PCLO: variants seen among roughly 807,000 people sequenced by gnomAD.
PCLO encodes the protein protein piccolo.
In PCLO, 82 loss-of-function variants were observed where a neutral mutation model predicts 427.5. The observed-to-expected ratio is 0.19, with a 90% confidence interval of 0.16 to 0.23. The LOEUF is 0.23. Among genes scored for constraint, PCLO ranks in the 10% least tolerant of loss-of-function variants. The pLI is 1.00. For synonymous variants in PCLO, 2,357 were observed against 2,155.4 expected, an observed-to-expected ratio of 1.09 and a Z score of -2.59; for missense variants, 6,239 against 6,115.9, an observed-to-expected ratio of 1.02 and a Z score of -0.67.
chr7:82,818,445 G>C (rs1433302671), intron 20 of PCLO, among the ~76,000 whole-genome samples: 1 of 152,130 alleles, frequency 6.6e-6, no homozygotes, highest in Non-Finnish European at 1.5e-5. Flanking sequence ...ACAGTGGGAA[G>C]GCTTCCTTTT....
At chr7:83,161,700 T>C (rs765950789) in intron 1 of PCLO, among the ~76,000 whole-genome samples, 1 of 152,204 alleles carries the variant, frequency 6.6e-6, no homozygotes, top group Non-Finnish European at 1.5e-5. Flanking sequence ...GGCTTAAAAA[T>C]AGCATATGCT....
chr7:82,936,170 C>T (rs1253439087), intron 6 of PCLO, among the ~76,000 whole-genome samples: 1 of 151,568 alleles, frequency 6.6e-6, no homozygotes, highest in Non-Finnish European at 1.5e-5. Flanking sequence ...TATGTTAGGC[C>T]AGAAAACAAG....
chr7:83,161,869 A>G (rs1792445888), intron 1 of PCLO, among the ~76,000 whole-genome samples: 2 of 152,188 alleles, frequency 1.3e-5, no homozygotes, highest in South Asian at 4.1e-4. Context: ...GGGTGGCAAG[A>G]GAGGACAAAT....
intron 9 of PCLO, among the ~76,000 whole-genome samples, chr7:82,885,444 C>G (rs998596210): frequency 6.6e-6 from 1 of 152,026 alleles, no homozygotes; most frequent in Admixed American, 6.6e-5. Flanking sequence ...ATCAGGGAAC[C>G]CAGTTAAGCC....
chr7:82,984,283 T>G (rs1796209442), intron 3 of PCLO, among the ~76,000 whole-genome samples: 1 of 150,660 alleles, frequency 6.6e-6, no homozygotes, highest in Admixed American at 6.6e-5. Context: ...ACATATTTGT[T>G]TTAATTATTC....
intron 3 of PCLO, among the ~76,000 whole-genome samples, chr7:83,077,711 A>G (rs927388070): frequency 6.6e-6 from 1 of 152,116 alleles, no homozygotes; most frequent in Non-Finnish European, 1.5e-5. Flanking sequence ...TTCTGACTTG[A>G]GTAGTTTCCA....
chr7:83,120,737 CA>C (rs1562973564), intron 3 of PCLO, among the ~76,000 whole-genome samples: 2 of 151,902 alleles, frequency 1.3e-5, no homozygotes, highest in Non-Finnish European at 2.9e-5. Flanking sequence ...TTATATCCAG[CA>C]AAAATGACCT....
chr7:82,846,470 TTA>T (rs35972711), intron 12 of PCLO, 95 bp downstream of exon 12: 327,708 of 748,360 alleles, frequency 0.44, 74,924 homozygotes, highest in East Asian at 0.65. Flanking sequence ...ATATCTGTGT[TTA>T]TGTCTACATC....
chr7:83,162,359 C>T lies in PCLO; in HGVS notation c.234G>A (p.Ser78=). Reference sequence around the variant, plus strand: ...GCTGTGCATGCCTGTGCATGGAAGGCGACTCCGCAGCGGCCGGGGGGACGC... The same window carrying T: ...GCTGTGCATGCCTGTGCATGGAAGGTGACTCCGCAGCGGCCGGGGGGACGC... The part of the protein sequence containing the change: ...KGSVPPAAAE[S]PSMHRKQELD... The change falls in exon 1 of 25, where the codon TCG becomes TCA. Residue 78 remains serine, a synonymous_variant. Transcript: ENST00000333891. 4 of 1,599,818 alleles carry T rather than the reference C, an allele frequency of 2.5e-6. No individual in the cohort carries two copies. The highest frequency in any genetic ancestry group is 8.5e-7 in the Non-Finnish European group (1 of 1,173,366).
intron 3 of PCLO, among the ~76,000 whole-genome samples, chr7:82,998,087 C>A (rs942922718): frequency 1.3e-5 from 2 of 151,942 alleles, no homozygotes; most frequent in Non-Finnish European, 2.9e-5. Context: ...GCACAACTTA[C>A]CAGTGCAGAA....
In PCLO at chr7:82,757,028, G is replaced by A. The variant is rs1312504477; in HGVS notation, c.*1547C>T. 1.3e-5 allele frequency: 2 copies of A among 152,030 alleles called. No individual in the cohort carries two copies. The highest frequency in any genetic ancestry group is 2.9e-5 in the Non-Finnish European group (2 of 67,974). The allele number at this position is 152,030 out of a possible 1,614,324, so 9.4% of individuals were successfully genotyped here. A position where few individuals can be genotyped will look rare whatever the true frequency, so the allele number is the denominator to read the frequency against. ...TGTGTATAAAACTATATTTGGAAATGTGCTTTCATCTTTCATGGATCATTG... is the reference window on the plus strand; with the variant it reads ...TGTGTATAAAACTATATTTGGAAATATGCTTTCATCTTTCATGGATCATTG... On this transcript the variant is annotated 3_prime_UTR_variant, in exon 25 of 25. Transcript: ENST00000333891.
intron 3 of PCLO, among the ~76,000 whole-genome samples, chr7:83,053,765 G>C (rs887683991): frequency 1.3e-5 from 2 of 151,560 alleles, no homozygotes; most frequent in Non-Finnish European, 3.0e-5. Context: ...TTACTTCCTA[G>C]GCTGCAATAA....
At chr7:83,105,577 T>C (rs1430422540) in intron 3 of PCLO, among the ~76,000 whole-genome samples, 1 of 152,220 alleles carries the variant, frequency 6.6e-6, no homozygotes, top group Non-Finnish European at 1.5e-5. Flanking sequence ...CAATGAACCC[T>C]GGAAAGTTAC....
rs147049546 is a variant in PCLO, at chr7:82,793,380, T to C, written c.15007+8138A>G. The stretch of plus-strand genomic sequence containing the variant: ...GCTCTGGTTTTGAGTCCCAGCCAAG[T>C]TGATGGACACTCTGCCGCAGTTGCA... On this transcript the variant is annotated intron_variant, in intron 22 of 24. Transcript: ENST00000333891. Among the ~76,000 whole-genome samples, 1,150 of 152,228 alleles carry C rather than the reference T, an allele frequency of 7.6e-3. 6 individuals are homozygous for C. Among genetic ancestry groups the C allele is most frequent in the Non-Finnish European group, 0.01 (713 of 68,012 alleles).
intron 3 of PCLO, among the ~76,000 whole-genome samples, chr7:83,114,721 G>A (rs1312498399): frequency 1.3e-5 from 2 of 151,934 alleles, no homozygotes; most frequent in African/African-American, 4.8e-5. Flanking sequence ...AGATTGCATT[G>A]GGCCCATTAG....
chr7:82,819,640 T>A (rs965731669), intron 20 of PCLO, among the ~76,000 whole-genome samples: 10 of 152,168 alleles, frequency 6.6e-5, no homozygotes, highest in Non-Finnish European at 1.2e-4. Flanking sequence ...GTAACACATA[T>A]TCAGAATTAT....
At chr7:83,025,983 C>A (rs1476249521) in intron 3 of PCLO, among the ~76,000 whole-genome samples, 2 of 151,938 alleles carry the variant, frequency 1.3e-5, no homozygotes, top group Non-Finnish European at 2.9e-5. Flanking sequence ...ACAACCGGTA[C>A]CAGCCGCGGC....
chr7:82,818,011 A>G (rs1273858004), intron 20 of PCLO, among the ~76,000 whole-genome samples: 1 of 152,180 alleles, frequency 6.6e-6, no homozygotes, highest in Non-Finnish European at 1.5e-5. Context: ...GTCTTGATAT[A>G]GTTTTCAAAC....
intron 7 of PCLO, among the ~76,000 whole-genome samples, chr7:82,909,978 C>T (rs1794283612): frequency 6.6e-6 from 1 of 152,010 alleles, no homozygotes; most frequent in Non-Finnish European, 1.5e-5. Flanking sequence ...TAGGTCTTTT[C>T]AAGATATTCT....
Sources: allele counts gnomAD v4.1 joint callset (sites outside exome capture counted in the v4.1 genomes callset), GRCh38; gene constraint gnomAD v4.1.1; transcripts MANE v1.5; gene names NCBI Gene and HGNC (gene_info 2026-07-23, HGNC 2026-07-21).